The following ASXL3 variants were observed in gnomAD, a reference collection of about 807,000 sequenced individuals.
ASXL3 encodes the protein ASXL transcriptional regulator 3.
Under a neutral mutation model 170.6 loss-of-function variants are expected in ASXL3, and 34 were observed. The ratio of observed to expected loss-of-function variants is 0.20; its 90% CI spans 0.15 to 0.27. The LOEUF is 0.27. Ranked by LOEUF, ASXL3 falls within the 10% of genes least tolerant of loss-of-function variation. The pLI is 1.00. For synonymous variants in ASXL3, 1,002 were observed against 989.1 expected (o/e 1.01, Z -0.24); for missense variants, 2,592 against 2,695.3 (o/e 0.96, Z 0.85).
intron 2 of ASXL3, among the ~76,000 whole-genome samples, chr18:33,639,636 C>T (rs2065817880): frequency 6.6e-6 from 1 of 152,006 alleles, no homozygotes; most frequent in South Asian, 2.1e-4. Context: ...TAATACTAAG[C>T]AAACTTTTGT....
intron 2 of ASXL3, among the ~76,000 whole-genome samples, chr18:33,617,975 T>A (rs1231929971): frequency 6.6e-6 from 1 of 152,152 alleles, no homozygotes; most frequent in Non-Finnish European, 1.5e-5. Flanking sequence ...TTGCTTGTGC[T>A]CTTAATTGCC....
intron 10 of ASXL3, among the ~76,000 whole-genome samples, chr18:33,737,614 A>G (rs1462411602): frequency 6.6e-6 from 1 of 152,142 alleles, no homozygotes; most frequent in Non-Finnish European, 1.5e-5. Flanking sequence ...CTTTACAGTA[A>G]GAGATCTGCA....
chr18:33,619,867 C>G (rs9956208), intron 2 of ASXL3, among the ~76,000 whole-genome samples: 15,127 of 152,044 alleles, frequency 0.099, 1,076 homozygotes, highest in African/African-American at 0.2. Flanking sequence ...ATGTTTAGGT[C>G]CACCATGTTT....
At chr18:33,734,852 G>A (rs565452483) in intron 10 of ASXL3, among the ~76,000 whole-genome samples, 2 of 152,180 alleles carry the variant, frequency 1.3e-5, no homozygotes, top group East Asian at 3.9e-4. Context: ...TTTGGGGAGA[G>A]CCTGAAATGT....
chr18:33,593,325 T>C (rs547897096), intron 1 of ASXL3, among the ~76,000 whole-genome samples: 1 of 149,570 alleles, frequency 6.7e-6, no homozygotes, highest in Admixed American at 6.7e-5. Flanking sequence ...ACCAGCAGAT[T>C]ATATTTCCCA....
At chr18:33,652,946 A>G (rs142704121) in intron 4 of ASXL3, among the ~76,000 whole-genome samples, 19 of 152,186 alleles carry the variant, frequency 1.2e-4, no homozygotes, top group Non-Finnish European at 2.5e-4. Context: ...TGGGGCATAC[A>G]TTTAAAAGGT....
intron 4 of ASXL3, among the ~76,000 whole-genome samples, 187 bp downstream of exon 4, chr18:33,646,540 T>G (rs2065917923): frequency 6.6e-6 from 1 of 152,064 alleles, no homozygotes; most frequent in Non-Finnish European, 1.5e-5. Context: ...ATATAGTTCT[T>G]TGCTTTTGTT....
chr18:33,708,124 A>G (rs887924703), intron 8 of ASXL3, among the ~76,000 whole-genome samples: 4 of 152,158 alleles, frequency 2.6e-5, no homozygotes, highest in Admixed American at 6.5e-5. Flanking sequence ...AATACAAGTA[A>G]TGATGCTTTC....
intron 2 of ASXL3, among the ~76,000 whole-genome samples, chr18:33,615,840 C>T (rs1177272398): frequency 6.6e-6 from 1 of 152,212 alleles, no homozygotes; most frequent in African/African-American, 2.4e-5. Flanking sequence ...ATAAAGCCTA[C>T]ATTACACCTT....
intron 5 of ASXL3, among the ~76,000 whole-genome samples, chr18:33,662,696 C>G (rs1443137261): frequency 2.0e-5 from 3 of 152,174 alleles, no homozygotes; most frequent in South Asian, 2.1e-4. Context: ...ATACAATCAT[C>G]TATTTTGATC....
chr18:33,674,743 C>A (rs189774201), intron 7 of ASXL3, among the ~76,000 whole-genome samples: 1 of 151,932 alleles, frequency 6.6e-6, no homozygotes, highest in Non-Finnish European at 1.5e-5. Flanking sequence ...CTCAACCCCC[C>A]GAGTAGCTGG....
At chr18:33,643,688 T>G (rs1252388082) in intron 2 of ASXL3, among the ~76,000 whole-genome samples, 2 of 151,868 alleles carry the variant, frequency 1.3e-5, no homozygotes, top group Non-Finnish European at 2.9e-5. Context: ...GAGTTTTCAT[T>G]ATAAGTAAGA....
chr18:33,610,569 A>G (rs2145129895), intron 2 of ASXL3, among the ~76,000 whole-genome samples: 1 of 152,074 alleles, frequency 6.6e-6, no homozygotes, highest in Middle Eastern at 3.4e-3. Context: ...GGTCTCCGAG[A>G]GCACTTACCT....
At chr18:33,685,833 C>T (rs2066586809) in intron 8 of ASXL3, among the ~76,000 whole-genome samples, 1 of 152,204 alleles carries the variant, frequency 6.6e-6, no homozygotes, top group African/African-American at 2.4e-5. Context: ...AGAGGGAAAA[C>T]TCACTCACTG....
chr18:33,713,225 GA>G (rs2067099172), intron 8 of ASXL3, among the ~76,000 whole-genome samples: 1 of 113,792 alleles, frequency 8.8e-6, no homozygotes, highest in Non-Finnish European at 1.7e-5. Context: ...TCTACCACAA[GA>G]AGGTTTTTTT....
chr18:33,608,413 A>AT (rs763705133), intron 2 of ASXL3, among the ~76,000 whole-genome samples: 40 of 152,056 alleles, frequency 2.6e-4, no homozygotes, highest in Non-Finnish European at 4.7e-4. Flanking sequence ...TTGACTTAGC[A>AT]TATAATATTT....
intron 8 of ASXL3, among the ~76,000 whole-genome samples, chr18:33,688,156 C>T (rs780968573): frequency 2.0e-5 from 3 of 152,040 alleles, no homozygotes; most frequent in Non-Finnish European, 4.4e-5. Context: ...TGACTGTAGC[C>T]AAGGGAATGG....
intron 5 of ASXL3, among the ~76,000 whole-genome samples, chr18:33,666,894 G>A (rs1361446148): frequency 1.3e-5 from 2 of 152,298 alleles, no homozygotes; most frequent in Middle Eastern, 3.4e-3. Flanking sequence ...GCTACACGTC[G>A]TACAGTGGGA....
intron 1 of ASXL3, among the ~76,000 whole-genome samples, chr18:33,597,073 C>T (rs2145106396): frequency 6.6e-6 from 1 of 152,232 alleles, no homozygotes; most frequent in South Asian, 2.1e-4. Context: ...CCTTGGCCTC[C>T]CAGTGTGCTA....
Sources: allele counts gnomAD v4.1 joint callset (sites outside exome capture counted in the v4.1 genomes callset), GRCh38; gene constraint gnomAD v4.1.1; transcripts MANE v1.5; gene names NCBI Gene and HGNC (gene_info 2026-07-23, HGNC 2026-07-21).